CFAP77: variants seen among roughly 807,000 people sequenced by gnomAD.
CFAP77 encodes the protein cilia and flagella associated protein 77, also known as cilia- and flagella-associated protein 77.
Under a neutral mutation model 31.1 loss-of-function variants are expected in CFAP77, and 25 were observed. That is an observed-to-expected ratio of 0.80 (90% CI 0.59 to 1.12). The LOEUF (loss-of-function observed/expected upper bound fraction) is 1.12. CFAP77 is among the 50% of genes most tolerant of loss of function. The pLI is 0.00. For synonymous variants in CFAP77, 151 were observed against 159.9 expected (o/e 0.94, Z 0.42); for missense variants, 377 against 397.3 (o/e 0.95, Z 0.44).
At position 132,464,131 on chromosome 9, in the gene CFAP77, C is replaced by G. The variant is rs745848591; in HGVS notation, c.196-34564C>G. ...ACAACAACAAAGTTCAGGTATTTCCCAGCAAATGGCACCTAAAACCACTGC... is the reference window on the plus strand; with the variant it reads ...ACAACAACAAAGTTCAGGTATTTCCGAGCAAATGGCACCTAAAACCACTGC... On this transcript the variant is annotated intron_variant, in intron 1 of 5. Transcript: ENST00000393216. 1.2e-3 allele frequency among the ~76,000 whole-genome samples: 182 copies of G among 152,320 alleles called. 4 individuals are homozygous for G. The highest frequency in any genetic ancestry group is 6.8e-3 in the Middle Eastern group (2 of 294).
At chr9:132,475,349 A>G (rs1243992575) in intron 1 of CFAP77, among the ~76,000 whole-genome samples, 3 of 152,108 alleles carry the variant, frequency 2.0e-5, no homozygotes, top group African/African-American at 7.2e-5. Flanking sequence ...GCCTGAGCAG[A>G]TGTTGAATTC....
intron 1 of CFAP77, among the ~76,000 whole-genome samples, chr9:132,437,335 T>C (rs1055569220): frequency 5.4e-4 from 82 of 152,068 alleles, no homozygotes; most frequent in Non-Finnish European, 2.5e-4. Flanking sequence ...AGAAAGACAT[T>C]AAGGTGCACT....
At chr9:132,443,071 C>T (rs1041909505) in intron 1 of CFAP77, among the ~76,000 whole-genome samples, 2 of 152,056 alleles carry the variant, frequency 1.3e-5, no homozygotes, top group Non-Finnish European at 2.9e-5. Context: ...TAACATGTGA[C>T]TTTTTGTGTT....
At chr9:132,453,976 C>T (rs1186703434) in intron 1 of CFAP77, among the ~76,000 whole-genome samples, 2 of 152,170 alleles carry the variant, frequency 1.3e-5, no homozygotes, top group African/African-American at 2.4e-5. Context: ...TAATAAATTA[C>T]AGTCCTAATA....
chr9:132,443,642 T>C (rs1260845698), intron 1 of CFAP77, among the ~76,000 whole-genome samples: 1 of 152,174 alleles, frequency 6.6e-6, no homozygotes, highest in Non-Finnish European at 1.5e-5. Context: ...GCAACAATGC[T>C]CAGTTTGGAT....
chr9:132,482,183 CTTTCTTTTTTTT>C, intron 1 of CFAP77: 1 of 615,844 alleles, frequency 1.6e-6, no homozygotes, highest in South Asian at 2.2e-5. Flanking sequence ...CTCTTTCTTT[CTTTCTTTTTTTT>C]TTTCTTTTCA....
rs1205610087 is a variant in CFAP77, at chr9:132,491,392, G to A, written c.196-7303G>A. ...TGAGGCAAGAGAATTGCTTGAACCC[G>A]GGAGGTGGAGGTTGCAGTGAGCCGA... On this transcript the variant is annotated intron_variant, in intron 1 of 5. Transcript: ENST00000393216. Among the ~76,000 whole-genome samples, 15 of 152,140 alleles carry A rather than the reference G, an allele frequency of 9.9e-5. No individual in the cohort carries two copies. The East Asian group carries it at 1.2e-3, about 12-fold the overall frequency.
intron 1 of CFAP77, among the ~76,000 whole-genome samples, chr9:132,426,444 T>C (rs1028024348): frequency 6.6e-6 from 1 of 152,142 alleles, no homozygotes; most frequent in Non-Finnish European, 1.5e-5. Flanking sequence ...AACAGTAATG[T>C]CTTCAAACAG....
intron 5 of CFAP77, among the ~76,000 whole-genome samples, chr9:132,544,492 T>TG (rs1852702213): frequency 3.3e-5 from 2 of 60,506 alleles, no homozygotes; most frequent in African/African-American, 1.2e-4. Flanking sequence ...CACTGCCTAT[T>TG]TTTTTTTTTT....
At chr9:132,512,239 C>T (rs139101803) in intron 3 of CFAP77, among the ~76,000 whole-genome samples, 48 of 152,284 alleles carry the variant, frequency 3.2e-4, no homozygotes, top group East Asian at 3.1e-3. Flanking sequence ...TCAAACTTCA[C>T]GTGGCTGTCT....
intron 3 of CFAP77, chr9:132,513,368 T>G: frequency 6.5e-7 from 1 of 1,534,534 alleles, no homozygotes; most frequent in East Asian, 2.5e-5. Context: ...TTCTGATCCT[T>G]TCCTTTAATA....
chr9:132,484,283 C>G (rs1176134161), intron 1 of CFAP77, among the ~76,000 whole-genome samples: 1 of 152,082 alleles, frequency 6.6e-6, no homozygotes, highest in Non-Finnish European at 1.5e-5. Flanking sequence ...AACCATCAGC[C>G]ATTTTTAAAT....
At position 132,490,043 on chromosome 9, in the gene CFAP77, G is replaced by T. The variant is rs1851626560; in HGVS notation, c.196-8652G>T. 6.6e-6 allele frequency among the ~76,000 whole-genome samples: 1 copy of T among 152,156 alleles called. No homozygotes were observed. The highest frequency in any genetic ancestry group is 2.4e-5 in the African/African-American group (1 of 41,430). On this transcript the variant is annotated intron_variant, in intron 1 of 5. Coordinates refer to ENST00000393216, the MANE Select transcript of CFAP77 (RefSeq NM_001282957.2). The surrounding 1 kb of genome is among the most constrained non-coding windows in gnomAD (Gnocchi z 4.6). ...CCGGTGGTTTCTGTGTCTGGTGAGA[G>T]CCTAGTCTTTGCTTCCAAGATGGTG...
At chr9:132,411,726 A>G (rs1850007113) in intron 1 of CFAP77, among the ~76,000 whole-genome samples, 1 of 152,160 alleles carries the variant, frequency 6.6e-6, no homozygotes, top group Non-Finnish European at 1.5e-5. Flanking sequence ...GACTACCTGC[A>G]TTAAGGTTAG....
At position 132,565,850 on chromosome 9, in the gene CFAP77, C is replaced by T. The variant is rs538107108; in HGVS notation, c.733-6538C>T. Among the ~76,000 whole-genome samples the T allele has an allele frequency of 1.3e-5, 2 of 152,296 alleles. No individual in the cohort carries two copies. The highest frequency in any genetic ancestry group is 4.8e-5 in the African/African-American group (2 of 41,568). On this transcript the variant is annotated intron_variant, in intron 5 of 5. Coordinates refer to ENST00000393216, the MANE Select transcript of CFAP77 (RefSeq NM_001282957.2). The surrounding 1 kb of genome is among the most constrained non-coding windows in gnomAD (Gnocchi z 4.1). ...CCCATTCTAACAGGACCAGCTCCTTCGCCAACCGGGATAAAGCCTCCCGCT... is the reference window on the plus strand; with the variant it reads ...CCCATTCTAACAGGACCAGCTCCTTTGCCAACCGGGATAAAGCCTCCCGCT...
chr9:132,411,222 C>T lies in CFAP77; in HGVS notation c.195+756C>T, dbSNP rs569231448. 1.3e-4 allele frequency among the ~76,000 whole-genome samples: 20 copies of T among 152,310 alleles called. No homozygotes were observed. In the South Asian group the frequency reaches 4.1e-3, roughly 32 times the overall value. On this transcript the variant is annotated intron_variant, in intron 1 of 5. Transcript: ENST00000393216. ...GGCTTGGGGGTCAGGGAGCAAGCCTCGAGGCGAATTTATCTTGCGCCGCTG... is the reference window on the plus strand; with the variant it reads ...GGCTTGGGGGTCAGGGAGCAAGCCTTGAGGCGAATTTATCTTGCGCCGCTG...
intron 5 of CFAP77, among the ~76,000 whole-genome samples, chr9:132,566,791 C>T (rs750646345): frequency 2.6e-5 from 4 of 152,200 alleles, no homozygotes; most frequent in South Asian, 2.1e-4. Context: ...CTGGCCTCTG[C>T]GGATCTGTTT....
chr9:132,558,411 G>A (rs1852937093), intron 5 of CFAP77, among the ~76,000 whole-genome samples: 1 of 152,206 alleles, frequency 6.6e-6, no homozygotes, highest in South Asian at 2.1e-4. Context: ...ACTCTTATAA[G>A]CCAGTAATAA....
At chr9:132,457,250 C>A (rs553918246) in intron 1 of CFAP77, among the ~76,000 whole-genome samples, 1 of 150,124 alleles carries the variant, frequency 6.7e-6, no homozygotes, top group African/African-American at 2.5e-5. Context: ...CACGCATGCC[C>A]GCCACACTCA....
Sources: gnomAD v4.1 joint callset for allele counts (sites outside exome capture counted in the v4.1 genomes callset) on GRCh38, gnomAD v4.1.1 for gene constraint, Gnocchi (gnomAD v3.1) non-coding constraint, MANE v1.5 for transcripts, NCBI Gene and HGNC (gene_info 2026-07-23, HGNC 2026-07-21) for gene names.